The following ETV6 variants were observed in gnomAD, a reference collection of about 807,000 sequenced individuals.
ETV6 encodes the protein transcription factor ETV6.
In ETV6, 16 loss-of-function variants were observed where a neutral mutation model predicts 51.1. The ratio of observed to expected loss-of-function variants is 0.31; its 90% CI spans 0.21 to 0.48. The LOEUF (loss-of-function observed/expected upper bound fraction) is 0.48. ETV6 is among the 20% of genes least tolerant of loss of function. The probability of loss-of-function intolerance (pLI) is 0.99; values close to 1 mark genes in which losing one functional copy is unlikely to be tolerated. For synonymous variants in ETV6, 240 were observed against 224.1 expected (o/e 1.07, Z -0.64); for missense variants, 458 against 594.8 (o/e 0.77, Z 2.39).
intron 1 of ETV6, among the ~76,000 whole-genome samples, chr12:11,725,161 G>GTT (rs34358923): frequency 7.0e-6 from 1 of 143,438 alleles, no homozygotes; most frequent in African/African-American, 2.6e-5. Context: ...CTTTTTAGCT[G>GTT]TTTTTTTTTT....
chr12:11,655,999 A>G (rs1263157721), intron 1 of ETV6, among the ~76,000 whole-genome samples: 1 of 152,200 alleles, frequency 6.6e-6, no homozygotes, highest in African/African-American at 2.4e-5. Flanking sequence ...ATAGTGATTT[A>G]TTACAAAACA....
intron 7 of ETV6, among the ~76,000 whole-genome samples, chr12:11,889,166 T>C (rs976949583): frequency 2.0e-5 from 3 of 152,124 alleles, no homozygotes; most frequent in Non-Finnish European, 4.4e-5. Context: ...AGGGGCTCTT[T>C]ATTGACTTCG....
intron 1 of ETV6, among the ~76,000 whole-genome samples, chr12:11,705,373 G>A (rs1174950988): frequency 1.3e-5 from 2 of 152,224 alleles, no homozygotes; most frequent in African/African-American, 4.8e-5. Context: ...CTGGAGGGGT[G>A]TGTGTGTTTC....
At chr12:11,683,354 T>A (rs1864569372) in intron 1 of ETV6, among the ~76,000 whole-genome samples, 1 of 152,204 alleles carries the variant, frequency 6.6e-6, no homozygotes, top group African/African-American at 2.4e-5. Context: ...ATGTTTGAAT[T>A]TTTACAAGAC....
rs776231778 is a variant in ETV6 at position 11,883,276 on chromosome 12, C to CTTCTTTTTTTT, written c.1010-1167_1010-1166insCTTTTTTTTTT. On this transcript the variant is annotated intron_variant, in intron 5 of 7. Coordinates refer to ENST00000396373, the MANE Select transcript of ETV6 (RefSeq NM_001987.5). Reference sequence around the variant, plus strand: ...GGGAAGGTGTACATCATGTCTTCTTCTTTTTTTTTTTTTTTTTTTTTTTTT... The same window carrying CTTCTTTTTTTT: ...GGGAAGGTGTACATCATGTCTTCTTCTTCTTTTTTTTTTTTTTTTTTTTTTTTTTTTTTTTT... 2.0e-4 allele frequency among the ~76,000 whole-genome samples: 16 copies of CTTCTTTTTTTT among 79,090 alleles called. 1 individual carries two copies. The highest frequency in any genetic ancestry group is 1.0e-3 in the African/African-American group (14 of 13,534). 51.9% of individuals were successfully genotyped at this position (79,090 alleles called of 152,430 possible). A position where few individuals can be genotyped will look rare whatever the true frequency, so the allele number is the denominator to read the frequency against.
chr12:11,857,310 G>C (rs1453071072), intron 4 of ETV6, among the ~76,000 whole-genome samples: 1 of 152,202 alleles, frequency 6.6e-6, no homozygotes. Flanking sequence ...AAGCTAGGAA[G>C]TTGGTGTTAG....
chr12:11,848,650 A>G (rs1200623880), intron 3 of ETV6, among the ~76,000 whole-genome samples: 3 of 152,252 alleles, frequency 2.0e-5, no homozygotes, highest in Non-Finnish European at 4.4e-5. Flanking sequence ...ACCCAGGAGT[A>G]TATCTAGATT....
intron 1 of ETV6, among the ~76,000 whole-genome samples, chr12:11,701,070 T>G (rs1413404523): frequency 6.9e-6 from 1 of 144,908 alleles, no homozygotes; most frequent in African/African-American, 2.5e-5. Flanking sequence ...TGTCCCTATG[T>G]TTTTTTTTTT....
intron 2 of ETV6, among the ~76,000 whole-genome samples, chr12:11,803,575 A>T (rs1277455226): frequency 6.6e-6 from 1 of 152,238 alleles, no homozygotes; most frequent in Non-Finnish European, 1.5e-5. Context: ...GCTGCATGTA[A>T]TGTACTTATA....
At chr12:11,748,306 G>A (rs1422096464) in intron 1 of ETV6, among the ~76,000 whole-genome samples, 1 of 152,200 alleles carries the variant, frequency 6.6e-6, no homozygotes, top group African/African-American at 2.4e-5. Context: ...ATTTATAATG[G>A]GGATAGGGAC....
intron 1 of ETV6, among the ~76,000 whole-genome samples, chr12:11,691,651 G>A (rs1011500666): frequency 6.6e-6 from 1 of 152,150 alleles, no homozygotes; most frequent in Non-Finnish European, 1.5e-5. Context: ...CAGCATTCAT[G>A]TGTATTGCTA....
intron 1 of ETV6, among the ~76,000 whole-genome samples, chr12:11,730,797 C>G (rs370464874): frequency 9.2e-5 from 14 of 152,310 alleles, no homozygotes; most frequent in African/African-American, 3.4e-4. Context: ...TCCCATGGCC[C>G]AAGACCCCTC....
chr12:11,787,280 A>G (rs1043840316), intron 2 of ETV6, among the ~76,000 whole-genome samples: 3 of 152,326 alleles, frequency 2.0e-5, no homozygotes, highest in African/African-American at 7.2e-5. Flanking sequence ...GCCACTCACC[A>G]CATACGGCTT....
At chr12:11,688,612 G>C (rs887058065) in intron 1 of ETV6, among the ~76,000 whole-genome samples, 1 of 152,240 alleles carries the variant, frequency 6.6e-6, no homozygotes, top group Non-Finnish European at 1.5e-5. Context: ...GCAGAAGGCA[G>C]AGTTAGGTGT....
chr12:11,873,068 A>T (rs1346720753), intron 5 of ETV6, among the ~76,000 whole-genome samples: 1 of 152,240 alleles, frequency 6.6e-6, no homozygotes, highest in Non-Finnish European at 1.5e-5. Flanking sequence ...AATGTCCTAA[A>T]ACTAATTACC....
At chr12:11,779,100 C>T (rs1318387908) in intron 2 of ETV6, among the ~76,000 whole-genome samples, 2 of 152,184 alleles carry the variant, frequency 1.3e-5, no homozygotes, top group Admixed American at 6.5e-5. Flanking sequence ...ATTTGGGCTT[C>T]GACCAAACAT....
chr12:11,881,444 AGATACG>A (rs1173508286), intron 5 of ETV6, among the ~76,000 whole-genome samples: 1 of 152,198 alleles, frequency 6.6e-6, no homozygotes, highest in African/African-American at 2.4e-5. Context: ...GGTACGCAAT[AGATACG>A]GATTGCTCCA....
chr12:11,844,729 GCT>G (rs1946435591), intron 3 of ETV6, among the ~76,000 whole-genome samples: 1 of 149,144 alleles, frequency 6.7e-6, no homozygotes, highest in Non-Finnish European at 1.5e-5. Flanking sequence ...ACCAGAGTTG[GCT>G]CTTTCTTTAC....
chr12:11,853,573 G>C lies in ETV6; in HGVS notation c.463+12G>C. ...GAACCATGAAGAAGGTACTGGAAGAGGTTTCTCTTTTCTTGCCTGAGGTTT... is the reference window on the plus strand; with the variant it reads ...GAACCATGAAGAAGGTACTGGAAGACGTTTCTCTTTTCTTGCCTGAGGTTT... On this transcript the variant is annotated intron_variant, in intron 4 of 7. Coordinates refer to ENST00000396373, the MANE Select transcript of ETV6 (RefSeq NM_001987.5). 3.7e-6 allele frequency: 6 copies of C among 1,613,660 alleles called. No individual in the cohort carries two copies. In the Admixed American group the frequency reaches 6.7e-5, roughly 18 times the overall value.
Sources: gnomAD v4.1 joint callset for allele counts (sites outside exome capture counted in the v4.1 genomes callset) on GRCh38, gnomAD v4.1.1 for gene constraint, MANE v1.5 for transcripts, NCBI Gene and HGNC (gene_info 2026-07-23, HGNC 2026-07-21) for gene names.